SNX29: variants seen among roughly 807,000 people sequenced by gnomAD.
SNX29 encodes sorting nexin-29.
In SNX29, 78 loss-of-function variants were observed where a neutral mutation model predicts 102.1. The observed-to-expected ratio is 0.76, with a 90% CI of 0.64 to 0.92. The LOEUF is 0.92. Ranked by LOEUF, SNX29 falls within the 40% of genes least tolerant of loss-of-function variation. SNX29 has a pLI of 0.00. For missense variants in SNX29, 1,280 were observed against 1,061.7 expected (o/e 1.21, Z -2.86); for synonymous variants, 580 against 414.5 (o/e 1.40, Z -4.85).
At chr16:12,542,820 C>G (rs914383152) in intron 20 of SNX29, among the ~76,000 whole-genome samples, 1 of 151,700 alleles carries the variant, frequency 6.6e-6, no homozygotes, top group Admixed American at 6.6e-5. Flanking sequence ...TTAAAGCATC[C>G]TGTAAGGTGT....
intron 16 of SNX29, among the ~76,000 whole-genome samples, chr16:12,387,035 G>A (rs747210796): frequency 6.6e-6 from 1 of 152,128 alleles, no homozygotes; most frequent in East Asian, 1.9e-4. Flanking sequence ...CAAGGCAGGA[G>A]AATCACTTGA....
chr16:12,559,780 C>G (rs959883383), intron 20 of SNX29, among the ~76,000 whole-genome samples: 3 of 152,152 alleles, frequency 2.0e-5, no homozygotes, highest in African/African-American at 7.2e-5. Flanking sequence ...AAGCATTACA[C>G]AGCACCTTCG....
intron 15 of SNX29, among the ~76,000 whole-genome samples, chr16:12,296,644 G>A (rs1460015917): frequency 6.8e-6 from 1 of 146,492 alleles, no homozygotes; most frequent in African/African-American, 2.5e-5. Context: ...GTCACATTGT[G>A]CCAATCCCTA....
chr16:12,078,814 C>G lies in SNX29; in HGVS notation c.1320-19C>G. The G allele has an allele frequency of 6.3e-7, 1 of 1,586,864 alleles. No homozygotes were observed. On this transcript the variant is annotated intron_variant, in intron 10 of 20. Coordinates refer to ENST00000566228, the MANE Select transcript of SNX29 (RefSeq NM_032167.5). ...TTTCAGTGGCCGAGTGTAACTTCCT[C>G]CTGCCTGCTTTTTCCTAGTGTGGAA...
At chr16:12,371,894 G>C (rs952512422) in intron 16 of SNX29, among the ~76,000 whole-genome samples, 3 of 151,940 alleles carry the variant, frequency 2.0e-5, no homozygotes, top group Non-Finnish European at 4.4e-5. Flanking sequence ...CTCAGCATTT[G>C]CTCCTCCTGT....
chr16:12,320,818 A>T (rs559447651), intron 15 of SNX29, among the ~76,000 whole-genome samples: 2 of 152,310 alleles, frequency 1.3e-5, no homozygotes, highest in Middle Eastern at 3.4e-3. Flanking sequence ...TCGTGTTCCA[A>T]TTCTTTAGAT....
At chr16:12,566,807 G>C (rs757503723) in intron 20 of SNX29, among the ~76,000 whole-genome samples, 2 of 152,258 alleles carry the variant, frequency 1.3e-5, no homozygotes, top group Non-Finnish European at 2.9e-5. Flanking sequence ...GCTCAGAGAT[G>C]ATTCAGAGCA....
chr16:12,335,091 C>T (rs946816247), intron 15 of SNX29, among the ~76,000 whole-genome samples: 2 of 151,980 alleles, frequency 1.3e-5, no homozygotes, highest in Admixed American at 1.3e-4. Flanking sequence ...ACATCATCTG[C>T]AGCAGGGGAG....
intron 15 of SNX29, among the ~76,000 whole-genome samples, chr16:12,329,996 C>T (rs1359308493): frequency 2.0e-5 from 3 of 152,218 alleles, no homozygotes; most frequent in Admixed American, 6.5e-5. Flanking sequence ...AGACACTATC[C>T]TGATGGGCAC....
intron 11 of SNX29, among the ~76,000 whole-genome samples, chr16:12,088,373 A>G (rs1308878538): frequency 6.6e-6 from 1 of 152,046 alleles, no homozygotes; most frequent in Admixed American, 6.6e-5. Context: ...CTTTTAGGAC[A>G]TGGGTGCTGA....
intron 1 of SNX29, among the ~76,000 whole-genome samples, chr16:11,993,283 AAGG>A (rs535759984): frequency 5.5e-4 from 83 of 152,232 alleles, no homozygotes; most frequent in Non-Finnish European, 9.7e-4. Flanking sequence ...AGGGTTAAAG[AAGG>A]AATATAGCCG....
intron 1 of SNX29, among the ~76,000 whole-genome samples, chr16:11,983,285 C>G (rs1307562670): frequency 6.8e-6 from 1 of 147,188 alleles, no homozygotes; most frequent in Non-Finnish European, 1.5e-5. Flanking sequence ...CTACGTTACC[C>G]AGGTTTATCT....
intron 1 of SNX29, among the ~76,000 whole-genome samples, chr16:11,988,106 C>A (rs1471172051): frequency 6.6e-6 from 1 of 152,054 alleles, no homozygotes; most frequent in Non-Finnish European, 1.5e-5. Context: ...CCAGCCTGAA[C>A]AACATGGTGA....
chr16:12,079,811 T>G (rs1428092727), intron 11 of SNX29, among the ~76,000 whole-genome samples: 1 of 152,210 alleles, frequency 6.6e-6, no homozygotes, highest in Non-Finnish European at 1.5e-5. Flanking sequence ...AATAGCCATT[T>G]TAGCTCCAGC....
rs138667389 is a variant in SNX29 at position 12,101,136 on chromosome 16, G to T, written c.1402+22221G>T. On this transcript the variant is annotated intron_variant, in intron 11 of 20. Coordinates refer to ENST00000566228, the MANE Select transcript of SNX29 (RefSeq NM_032167.5). ...CCATTTCTTGAATTGGCACGTTTTA[G>T]ACATTACCAGTTTCCTGCTGGAATA... Among the ~76,000 whole-genome samples, 483 of 152,184 alleles carry T rather than the reference G, an allele frequency of 3.2e-3. 4 individuals are homozygous for T. Among genetic ancestry groups the T allele is most frequent in the African/African-American group, 0.011 (448 of 41,536 alleles).
At chr16:11,982,115 G>A (rs2055430678) in intron 1 of SNX29, among the ~76,000 whole-genome samples, 1 of 151,394 alleles carries the variant, frequency 6.6e-6, no homozygotes, top group Non-Finnish European at 1.5e-5. Flanking sequence ...ACATACTGAA[G>A]ACAATATTTA....
chr16:12,487,533 G>A (rs1185754174), intron 19 of SNX29, among the ~76,000 whole-genome samples: 3 of 152,158 alleles, frequency 2.0e-5, no homozygotes, highest in East Asian at 1.9e-4. Flanking sequence ...GAATTGAGCC[G>A]AACTCTGCAA....
intron 11 of SNX29, among the ~76,000 whole-genome samples, chr16:12,113,685 A>C (rs1231034517): frequency 6.6e-6 from 1 of 152,254 alleles, no homozygotes; most frequent in East Asian, 1.9e-4. Context: ...TCCACTGTGC[A>C]TGAGGCCAGT....
At chr16:12,518,247 G>C (rs1009956) in intron 19 of SNX29, among the ~76,000 whole-genome samples, 32,143 of 152,006 alleles carry the variant, frequency 0.21, 3,834 homozygotes, top group South Asian at 0.36. Context: ...TCAGCTACCT[G>C]ATGCCTCCCA....
Sources: gnomAD v4.1 joint callset for allele counts (sites outside exome capture counted in the v4.1 genomes callset) on GRCh38, gnomAD v4.1.1 for gene constraint, MANE v1.5 for transcripts, NCBI Gene and HGNC (gene_info 2026-07-23, HGNC 2026-07-21) for gene names.